ABLIM1: variants seen among roughly 807,000 people sequenced by gnomAD.
The protein encoded by ABLIM1 is actin-binding LIM protein 1.
Under a neutral mutation model 107.0 loss-of-function variants are expected in ABLIM1, and 40 were observed. That is an observed-to-expected ratio of 0.37 (90% confidence interval 0.29 to 0.49). ABLIM1 has a LOEUF of 0.49. ABLIM1 is among the 20% of genes least tolerant of loss of function. ABLIM1 has a pLI of 0.97. For missense variants in ABLIM1, 857 were observed against 1,008.5 expected (o/e 0.85, Z 2.04); for synonymous variants, 357 against 357.3 (o/e 1.00, Z 0.01).
At chr10:114,554,797 T>G (rs916176850) in intron 4 of ABLIM1, among the ~76,000 whole-genome samples, 7 of 152,314 alleles carry the variant, frequency 4.6e-5, no homozygotes, top group Non-Finnish European at 7.4e-5. Context: ...TTGTCCCCTG[T>G]GTGTCTTGGC....
At chr10:114,760,947 G>A (rs995548537) in intron 1 of ABLIM1, among the ~76,000 whole-genome samples, 10 of 152,176 alleles carry the variant, frequency 6.6e-5, no homozygotes, top group Admixed American at 3.3e-4. Context: ...GGCTAAACTT[G>A]GCTTTCAAAG....
At chr10:114,498,912 C>G (rs2060034429) in intron 6 of ABLIM1, among the ~76,000 whole-genome samples, 1 of 152,176 alleles carries the variant, frequency 6.6e-6, no homozygotes, top group African/African-American at 2.4e-5. Context: ...TCATTGTGGG[C>G]TGAAGTTCTA....
intron 6 of ABLIM1, among the ~76,000 whole-genome samples, chr10:114,507,526 G>A (rs551050547): frequency 2.4e-4 from 37 of 152,300 alleles, no homozygotes; most frequent in African/African-American, 8.9e-4. Flanking sequence ...TGCTGGGTGG[G>A]TGCCTGCCCT....
At chr10:114,658,432 A>G (rs2079632119), upstream of ABLIM1, 1 of 589,684 alleles carries the variant, frequency 1.7e-6, no homozygotes, top group Non-Finnish European at 2.6e-6. Context: ...CGAGACTTTC[A>G]GTCTCAGACA....
At chr10:114,786,872 T>C in the ABLIM1 span, among the ~76,000 whole-genome samples, 1 of 152,284 alleles carries the variant, frequency 6.6e-6, no homozygotes, top group Admixed American at 6.5e-5. Flanking sequence ...CAGCCTGCCT[T>C]GGCCTCCCAA....
intron 1 of ABLIM1, among the ~76,000 whole-genome samples, chr10:114,654,148 C>G (rs1413093505): frequency 6.6e-6 from 1 of 152,230 alleles, no homozygotes; most frequent in Non-Finnish European, 1.5e-5. Flanking sequence ...CGCACTTCCT[C>G]CAAGCACCTG....
chr10:114,678,445 G>A (rs772992497), intron 1 of ABLIM1, among the ~76,000 whole-genome samples: 1 of 152,162 alleles, frequency 6.6e-6, no homozygotes, highest in South Asian at 2.1e-4. Flanking sequence ...GTCTTCCACA[G>A]CTGACTCTTT....
chr10:114,646,744 A>G (rs1017342087), intron 1 of ABLIM1, among the ~76,000 whole-genome samples: 2 of 152,188 alleles, frequency 1.3e-5, no homozygotes, highest in African/African-American at 4.8e-5. Context: ...GCTGCCACAT[A>G]TAGAAAAATG....
At chr10:114,724,928 T>C (rs1156407625) in intron 1 of ABLIM1, among the ~76,000 whole-genome samples, 1 of 152,234 alleles carries the variant, frequency 6.6e-6, no homozygotes, top group African/African-American at 2.4e-5. Flanking sequence ...TAAATAGGCC[T>C]GCTTATTCTC....
intron 4 of ABLIM1, among the ~76,000 whole-genome samples, chr10:114,568,629 G>A (rs151330109): frequency 3.0e-4 from 46 of 152,160 alleles, no homozygotes; most frequent in African/African-American, 9.6e-4. Flanking sequence ...CTTTTTTATA[G>A]ACACCCACAC....
chr10:114,659,341 A>G (rs956784459), upstream of ABLIM1, among the ~76,000 whole-genome samples: 1 of 151,196 alleles, frequency 6.6e-6, no homozygotes, highest in Non-Finnish European at 1.5e-5. Context: ...CTCTGTCTCT[A>G]CAGAAAAAAA....
At chr10:114,564,791 C>A (rs908012483) in intron 4 of ABLIM1, among the ~76,000 whole-genome samples, 1 of 152,226 alleles carries the variant, frequency 6.6e-6, no homozygotes, top group Admixed American at 6.5e-5. Context: ...AGAGCCCACA[C>A]TGTCAACCGT....
chr10:114,579,342 A>T (rs187135159), intron 2 of ABLIM1, among the ~76,000 whole-genome samples: 1 of 152,346 alleles, frequency 6.6e-6, no homozygotes, highest in Non-Finnish European at 1.5e-5. Flanking sequence ...GGATATTGAC[A>T]GCCCTCTACG....
chr10:114,534,193 A>T (rs1190455971), intron 6 of ABLIM1, among the ~76,000 whole-genome samples: 1 of 152,024 alleles, frequency 6.6e-6, no homozygotes, highest in Non-Finnish European at 1.5e-5. Flanking sequence ...CAGGGATGGG[A>T]GCTGGGAGGG....
intron 6 of ABLIM1, chr10:114,526,624 A>G: frequency 2.0e-6 from 2 of 985,474 alleles, no homozygotes; most frequent in Non-Finnish European, 2.4e-6. Flanking sequence ...ACGCAAAGCA[A>G]AGGACATAGG....
intron 1 of ABLIM1, among the ~76,000 whole-genome samples, chr10:114,620,943 CG>C: frequency 6.6e-6 from 1 of 152,240 alleles, no homozygotes; most frequent in Non-Finnish European, 1.5e-5. Context: ...GCCTGATTCT[CG>C]GGGCATCCAT....
intron 6 of ABLIM1, among the ~76,000 whole-genome samples, chr10:114,520,165 T>C (rs1394013497): frequency 6.6e-6 from 1 of 152,192 alleles, no homozygotes; most frequent in African/African-American, 2.4e-5. Flanking sequence ...CAACTCTCTA[T>C]AGACAGAAGT....
intron 1 of ABLIM1, among the ~76,000 whole-genome samples, chr10:114,623,884 C>A (rs1055185243): frequency 2.0e-5 from 3 of 152,190 alleles, no homozygotes; most frequent in African/African-American, 7.2e-5. Flanking sequence ...AACAGGGACA[C>A]ACAAACTCAC....
chr10:114,725,624 G>A (rs1320968142), intron 1 of ABLIM1, among the ~76,000 whole-genome samples: 1 of 152,036 alleles, frequency 6.6e-6, no homozygotes, highest in Non-Finnish European at 1.5e-5. Context: ...GGAAGTCTCT[G>A]CAAGAACCAT....
Sources: allele counts gnomAD v4.1 joint callset (sites outside exome capture counted in the v4.1 genomes callset), GRCh38; gene constraint gnomAD v4.1.1; transcripts MANE v1.5; gene names NCBI Gene and HGNC (gene_info 2026-07-23, HGNC 2026-07-21).